The following MAML3 variants were observed in gnomAD, a reference collection of about 807,000 sequenced individuals.
MAML3 encodes mastermind-like protein 3.
A neutral mutation model predicts 101.9 loss-of-function variants in MAML3; 27 were observed. The ratio of observed to expected loss-of-function variants is 0.27; its 90% CI spans 0.20 to 0.37. The LOEUF is 0.37. Among genes scored for constraint, MAML3 ranks in the 10% least tolerant of loss-of-function variants. MAML3 has a pLI of 1.00. For missense variants in MAML3, 1,316 were observed against 1,444.9 expected (o/e 0.91, Z 1.45); for synonymous variants, 501 against 555.9 (o/e 0.90, Z 1.39).
intron 1 of MAML3, among the ~76,000 whole-genome samples, chr4:140,012,991 C>T (rs1726588216): frequency 6.6e-6 from 1 of 152,120 alleles, no homozygotes; most frequent in African/African-American, 2.4e-5. Context: ...ATCCGTGGTG[C>T]GTATGACTAA....
intron 2 of MAML3, among the ~76,000 whole-genome samples, chr4:139,756,846 C>T (rs1312878572): frequency 6.6e-6 from 1 of 152,220 alleles, no homozygotes; most frequent in East Asian, 1.9e-4. Flanking sequence ...AAGCCAAAAC[C>T]CCTGCCCTTC....
intron 1 of MAML3, among the ~76,000 whole-genome samples, chr4:140,117,685 A>C (rs1728538666): frequency 6.6e-6 from 1 of 151,806 alleles, no homozygotes; most frequent in South Asian, 2.1e-4. Flanking sequence ...GTATGTGTAT[A>C]TATAATCTCA....
chr4:139,779,040 C>G (rs963183819), intron 2 of MAML3, among the ~76,000 whole-genome samples: 3 of 150,790 alleles, frequency 2.0e-5, no homozygotes, highest in African/African-American at 7.3e-5. Flanking sequence ...TCTGCCTTTA[C>G]ACAGCCTACT....
At chr4:139,877,514 T>C (rs142805964) in intron 2 of MAML3, among the ~76,000 whole-genome samples, 2 of 152,342 alleles carry the variant, frequency 1.3e-5, no homozygotes, top group East Asian at 3.9e-4. Context: ...AGTAAATCTT[T>C]ATAATAAAAA....
At chr4:139,800,637 A>T (rs1035038975) in intron 2 of MAML3, among the ~76,000 whole-genome samples, 5 of 152,208 alleles carry the variant, frequency 3.3e-5, no homozygotes, top group African/African-American at 1.2e-4. Context: ...AAGATTGTAC[A>T]CGCAAGATAA....
intron 2 of MAML3, among the ~76,000 whole-genome samples, chr4:139,765,810 T>C (rs1387710761): frequency 6.6e-6 from 1 of 151,920 alleles, no homozygotes; most frequent in East Asian, 1.9e-4. Context: ...TAGCAAGATT[T>C]TGTCTGCACT....
intron 1 of MAML3, among the ~76,000 whole-genome samples, chr4:140,104,979 A>G (rs1177841510): frequency 6.6e-6 from 1 of 152,074 alleles, no homozygotes; most frequent in East Asian, 1.9e-4. Context: ...TTTTCTCCCT[A>G]AACTTTCTGA....
chr4:139,749,283 T>G (rs1367531075), intron 2 of MAML3, among the ~76,000 whole-genome samples: 1 of 152,162 alleles, frequency 6.6e-6, no homozygotes, highest in Admixed American at 6.5e-5. Context: ...TTCAAAAACA[T>G]GAAATATATA....
intron 2 of MAML3, among the ~76,000 whole-genome samples, chr4:139,787,551 A>G (rs967323425): frequency 1.3e-5 from 2 of 152,232 alleles, no homozygotes; most frequent in African/African-American, 2.4e-5. Context: ...TCTGGGATTT[A>G]ATATCTCCTG....
intron 1 of MAML3, among the ~76,000 whole-genome samples, chr4:139,958,907 A>T (rs1733959885): frequency 6.6e-6 from 1 of 152,206 alleles, no homozygotes; most frequent in African/African-American, 2.4e-5. Context: ...TTGCAATAGT[A>T]TTGGACTCAT....
chr4:140,029,524 CTTGTA>C (rs1726875232), intron 1 of MAML3, among the ~76,000 whole-genome samples: 1 of 151,994 alleles, frequency 6.6e-6, no homozygotes, highest in Non-Finnish European at 1.5e-5. Flanking sequence ...TAATTTTCAC[CTTGTA>C]TTGTAGCACA....
intron 1 of MAML3, among the ~76,000 whole-genome samples, chr4:140,064,250 G>A (rs997553879): frequency 1.3e-5 from 2 of 151,864 alleles, no homozygotes; most frequent in South Asian, 4.2e-4. Context: ...GGTATTTCAG[G>A]AAAAAAAATG....
intron 1 of MAML3, among the ~76,000 whole-genome samples, chr4:139,907,107 T>C (rs1195296584): frequency 6.6e-6 from 1 of 152,218 alleles, no homozygotes; most frequent in Non-Finnish European, 1.5e-5. Flanking sequence ...CACATGCTTA[T>C]CAGTATTTAA....
chr4:139,983,987 G>T (rs1734489905), intron 1 of MAML3, among the ~76,000 whole-genome samples: 1 of 152,198 alleles, frequency 6.6e-6, no homozygotes, highest in South Asian at 2.1e-4. Context: ...AGATGGGAGA[G>T]AATGTAATGG....
At chr4:139,817,103 C>T (rs934875555) in intron 2 of MAML3, among the ~76,000 whole-genome samples, 3 of 152,138 alleles carry the variant, frequency 2.0e-5, no homozygotes, top group Non-Finnish European at 4.4e-5. Flanking sequence ...CAATGGTGAT[C>T]CAACACCATT....
At chr4:139,727,669 G>A (rs1728529910) in intron 3 of MAML3, among the ~76,000 whole-genome samples, 1 of 152,188 alleles carries the variant, frequency 6.6e-6, no homozygotes, top group Non-Finnish European at 1.5e-5. Context: ...TATGTGCTTT[G>A]AACTTTTGGA....
chr4:140,116,471 T>A (rs2111018300), intron 1 of MAML3, among the ~76,000 whole-genome samples: 1 of 152,334 alleles, frequency 6.6e-6, no homozygotes, highest in East Asian at 1.9e-4. Context: ...CGGTGTCTAT[T>A]CTACTTCAGT....
intron 1 of MAML3, among the ~76,000 whole-genome samples, chr4:140,108,333 A>G (rs1252377544): frequency 6.6e-6 from 1 of 151,770 alleles, no homozygotes; most frequent in African/African-American, 2.4e-5. Context: ...GTACATGTCT[A>G]TTATGGCACT....
intron 1 of MAML3, among the ~76,000 whole-genome samples, chr4:140,050,643 C>G (rs1727252736): frequency 6.6e-6 from 1 of 152,160 alleles, no homozygotes; most frequent in Admixed American, 6.5e-5. Context: ...ATTTTCAGCC[C>G]CCTCATTCTA....
Sources: gnomAD v4.1 joint callset for allele counts (sites outside exome capture counted in the v4.1 genomes callset) on GRCh38, gnomAD v4.1.1 for gene constraint, MANE v1.5 for transcripts, NCBI Gene and HGNC (gene_info 2026-07-23, HGNC 2026-07-21) for gene names.